Variants in CHD2 observed in about 807,000 individuals in gnomAD.
CHD2 encodes ATP-dependent chromatin remodeler CHD2.
In CHD2, 28 loss-of-function variants were observed where a neutral mutation model predicts 243.9. The observed-to-expected ratio is 0.11, with a 90% CI of 0.09 to 0.16. The LOEUF (loss-of-function observed/expected upper bound fraction) is 0.16, where lower values mean the gene tolerates loss of function less well. Ranked by LOEUF, CHD2 falls within the 10% of genes least tolerant of loss-of-function variation. The pLI is 1.00. For synonymous variants in CHD2, 775 were observed against 779.0 expected (o/e 0.99, Z 0.09); for missense variants, 1,386 against 2,209.8 (o/e 0.63, Z 7.47).
intron 17 of CHD2, among the ~76,000 whole-genome samples, chr15:92,970,698 A>G: frequency 6.6e-6 from 1 of 152,186 alleles, no homozygotes; most frequent in East Asian, 1.9e-4. Flanking sequence ...AGTAGCTTAT[A>G]GAGATAGGCC....
intron 22 of CHD2, among the ~76,000 whole-genome samples, chr15:92,979,867 G>T (rs575196643): frequency 3.1e-4 from 47 of 151,884 alleles, no homozygotes; most frequent in African/African-American, 1.1e-3. Context: ...ACAGTGAGCC[G>T]AGATTGTGCC....
intron 7 of CHD2, among the ~76,000 whole-genome samples, chr15:92,940,772 TA>T (rs199744553): frequency 0.02 from 2,710 of 138,632 alleles, 49 homozygotes; most frequent in African/African-American, 0.044. Flanking sequence ...AAAATATATA[TA>T]AAAAATATAA....
At chr15:92,988,215 TGA>T (rs2054070374) in intron 26 of CHD2, among the ~76,000 whole-genome samples, 1 of 152,086 alleles carries the variant, frequency 6.6e-6, no homozygotes, top group African/African-American at 2.4e-5. Flanking sequence ...CCCAAGTAGC[TGA>T]GATTACTGGC....
chr15:92,980,966 C>A, intron 23 of CHD2, 55 bp downstream of exon 23: 1 of 1,173,848 alleles, frequency 8.5e-7, no homozygotes, highest in South Asian at 1.3e-5. Flanking sequence ...CTGTGAGAGT[C>A]TAACTTTTCT....
chr15:92,903,082 A>G (rs576137413), intron 2 of CHD2, among the ~76,000 whole-genome samples: 17 of 152,328 alleles, frequency 1.1e-4, no homozygotes, highest in African/African-American at 4.1e-4. Flanking sequence ...ATGTCCAAAA[A>G]TATTTAAGAC....
rs372211715 is a variant in CHD2, at chr15:92,997,134, G to A, written c.3734+39G>A. The A allele has an allele frequency of 6.3e-5, 101 of 1,604,364 alleles. No individual in the cohort carries two copies. Among genetic ancestry groups the A allele is most frequent in the African/African-American group, 3.0e-4 (22 of 74,252 alleles). On this transcript the variant is annotated intron_variant, in intron 29 of 38. Coordinates refer to ENST00000394196, the MANE Select transcript of CHD2 (RefSeq NM_001271.4). The surrounding 1 kb of genome is among the most constrained non-coding windows in gnomAD (Gnocchi z 4.1). ...GTGTACATGCTTAGATGGTCGTACC[G>A]TAAGAAAATAGATTTGAAGTTAGAC...
Position 92,937,690 on chromosome 15 carries a change from A to G in CHD2, c.551+65A>G. The G allele has an allele frequency of 3.3e-6, 4 of 1,206,584 alleles. No individual in the cohort carries two copies. The South Asian group carries it at 5.3e-5, about 16-fold the overall frequency. 74.7% of individuals were successfully genotyped at this position (1,206,584 alleles called of 1,614,324 possible). On this transcript the variant is annotated intron_variant, in intron 6 of 38. Transcript: ENST00000394196. ...AATCTGCTGTAGATTGGGAAGGATA[A>G]TGTCGTGCTGAAATGAGAGCTTTAA... is the stretch of plus-strand genomic sequence containing the variant.
Position 92,997,456 on chromosome 15 carries a change from T to G in CHD2, c.3885+53T>G, listed in dbSNP as rs1355804058. On this transcript the variant is annotated intron_variant, in intron 30 of 38. Transcript: ENST00000394196. This position sits in a 1 kb window ranked among gnomAD's most constrained non-coding sequence, Gnocchi z 4.1. ...TCTAGAAGATTTGTTGTGTAATATT[T>G]TTATATCGATTACTTATTTCTAACT... is the stretch of plus-strand genomic sequence containing the variant. The G allele has an allele frequency of 1.4e-6, 2 of 1,447,780 alleles. No homozygotes were observed. Among genetic ancestry groups the G allele is most frequent in the East Asian group, 4.7e-5 (2 of 42,236 alleles). 89.7% of individuals were successfully genotyped at this position (1,447,780 alleles called of 1,614,324 possible). A position where few individuals can be genotyped will look rare whatever the true frequency, so the allele number is the denominator to read the frequency against.
At chr15:92,925,204 C>G (rs2053036148) in intron 3 of CHD2, among the ~76,000 whole-genome samples, 1 of 152,120 alleles carries the variant, frequency 6.6e-6, no homozygotes, top group African/African-American at 2.4e-5. Flanking sequence ...TGCACTGTGC[C>G]TTTGATAATC....
chr15:93,012,627 A>G (rs2054406973), intron 36 of CHD2, among the ~76,000 whole-genome samples, 183 bp downstream of exon 36: 1 of 152,246 alleles, frequency 6.6e-6, no homozygotes, highest in Non-Finnish European at 1.5e-5. Context: ...CATGGTTGAA[A>G]TTCTGACAAA....
intron 16 of CHD2, among the ~76,000 whole-genome samples, chr15:92,967,114 A>G (rs1392880884): frequency 6.6e-6 from 1 of 152,204 alleles, no homozygotes; most frequent in Admixed American, 6.5e-5. Context: ...CTCTGAATTC[A>G]GTCTGAGAAT....
chr15:92,975,440 G>C (rs1329011015), intron 20 of CHD2, among the ~76,000 whole-genome samples: 1 of 152,132 alleles, frequency 6.6e-6, no homozygotes. Flanking sequence ...TATTTTGTTT[G>C]GGGGGCACAT....
chr15:93,014,722 T>C lies in CHD2; in HGVS notation c.4719T>C (p.Thr1573=), dbSNP rs2054436203. Residue 1573 remains threonine (T), a synonymous_variant, in exon 37 of 39, where the codon ACT becomes ACC. Coordinates refer to ENST00000394196, the MANE Select transcript of CHD2 (RefSeq NM_001271.4). ...EEEQKKKDDV[T]GGKKPFRPEA... is the part of the protein sequence containing the mutation. ...AGCAAAAGAAGAAAGACGACGTGACTGGGGGTAAGAAACCATTTCGTCCAG... is the reference window on the plus strand; with the variant it reads ...AGCAAAAGAAGAAAGACGACGTGACCGGGGGTAAGAAACCATTTCGTCCAG... 1 of 1,614,150 alleles carries C rather than the reference T, an allele frequency of 6.2e-7. No homozygotes were observed. Among genetic ancestry groups the C allele is most frequent in the South Asian group, 1.1e-5 (1 of 91,078 alleles).
At position 92,998,292 on chromosome 15, in the gene CHD2, C is replaced by T; in HGVS notation, c.3886-207C>T. The T allele has an allele frequency of 2.3e-6, 3 of 1,306,188 alleles. No individual in the cohort carries two copies. Among genetic ancestry groups the T allele is most frequent in the Non-Finnish European group, 3.0e-6 (3 of 1,012,418 alleles). 80.9% of individuals were successfully genotyped at this position (1,306,188 alleles called of 1,614,324 possible). A position where few individuals can be genotyped will look rare whatever the true frequency, so the allele number is the denominator to read the frequency against. On this transcript the variant is annotated intron_variant, in intron 30 of 38. Coordinates refer to ENST00000394196, the MANE Select transcript of CHD2 (RefSeq NM_001271.4). The surrounding 1 kb of genome is among the most constrained non-coding windows in gnomAD (Gnocchi z 5.1). ...AGCCATTGGGAGAGCTGGATTTCTC[C>T]ATCCCATTTTGTAAAATGAGAACGG... is the stretch of plus-strand genomic sequence containing the variant.
chr15:93,009,075 C>G, intron 34 of CHD2, 70 bp from the exon 35 acceptor site: 1 of 1,523,870 alleles, frequency 6.6e-7, no homozygotes, highest in Non-Finnish European at 8.9e-7. Context: ...TCATCGAGAG[C>G]ACAGTAAGCA....
intron 14 of CHD2, 89 bp downstream of exon 14, chr15:92,953,662 A>T: frequency 1.7e-6 from 2 of 1,210,996 alleles, no homozygotes; most frequent in East Asian, 4.8e-5. Flanking sequence ...CATCAGTAAA[A>T]TTTGTGGTTA....
chr15:92,960,707 T>TTTTG, intron 16 of CHD2, among the ~76,000 whole-genome samples: 1 of 131,824 alleles, frequency 7.6e-6, no homozygotes, highest in African/African-American at 3.0e-5. Flanking sequence ...TGTTTGGTGT[T>TTTTG]TTTTTTTTTT....
At chr15:93,017,634 A>T (rs1364614010) in intron 37 of CHD2, among the ~76,000 whole-genome samples, 1 of 151,324 alleles carries the variant, frequency 6.6e-6, no homozygotes, top group African/African-American at 2.4e-5. Context: ...GGCGTGAGCC[A>T]CTGCGCCTGG....
Position 92,991,709 on chromosome 15 carries a change from A to ATCTCCC in CHD2, c.3455+193_3455+194insCTCCCT, listed in dbSNP as rs1408334350. On this transcript the variant is annotated intron_variant, in intron 27 of 38. Transcript: ENST00000394196. Reference sequence around the variant, plus strand: ...TCTCTGCAGAGGGATGACAAAGATGATAAAGACAGGCCATCCATAAAAAGA... The same window carrying ATCTCCC: ...TCTCTGCAGAGGGATGACAAAGATGATCTCCCTAAAGACAGGCCATCCATAAAAAGA... The ATCTCCC allele has an allele frequency of 5.0e-4, 224 of 445,266 alleles. No homozygotes were observed. The highest frequency in any genetic ancestry group is 4.1e-3 in the African/African-American group (201 of 49,024). The allele number at this position is 445,266 out of a possible 1,614,324, so 27.6% of individuals were successfully genotyped here. A position where few individuals can be genotyped will look rare whatever the true frequency, so the allele number is the denominator to read the frequency against.
Sources: gnomAD v4.1 joint callset for allele counts (sites outside exome capture counted in the v4.1 genomes callset) on GRCh38, gnomAD v4.1.1 for gene constraint, Gnocchi (gnomAD v3.1) non-coding constraint, MANE v1.5 for transcripts, NCBI Gene and HGNC (gene_info 2026-07-23, HGNC 2026-07-21) for gene names.